DIP2A: variants seen among roughly 807,000 people sequenced by gnomAD.
The protein encoded by DIP2A is disco-interacting protein 2 homolog A.
DIP2A carries 85 observed loss-of-function variants against 177.4 expected under a neutral mutation model. That is an observed-to-expected ratio of 0.48 (90% CI 0.40 to 0.57). The LOEUF (loss-of-function observed/expected upper bound fraction) is 0.57. Among genes scored for constraint, DIP2A ranks in the 20% least tolerant of loss-of-function variants. DIP2A has a pLI of 0.00. For missense variants in DIP2A, 1,791 were observed against 2,100.2 expected (o/e 0.85, Z 2.88); for synonymous variants, 886 against 881.8 (o/e 1.00, Z -0.08).
At chr21:46,468,922 A>G (rs1318126551) in intron 1 of DIP2A, among the ~76,000 whole-genome samples, 4 of 152,204 alleles carry the variant, frequency 2.6e-5, no homozygotes, top group Admixed American at 6.5e-5. Flanking sequence ...ATTGCCAGCT[A>G]TTCTGTACTT....
At chr21:46,508,077 A>G (rs2058110594) in intron 6 of DIP2A, among the ~76,000 whole-genome samples, 1 of 150,496 alleles carries the variant, frequency 6.6e-6, no homozygotes, top group South Asian at 2.1e-4. Flanking sequence ...TCTGTTGCCC[A>G]GGCTGGAGTT....
chr21:46,581,651 A>G, the DIP2A span, among the ~76,000 whole-genome samples: 1 of 150,652 alleles, frequency 6.6e-6, no homozygotes, highest in African/African-American at 2.4e-5. Flanking sequence ...TTTTTTGTTG[A>G]TGTTGTTGTT....
chr21:46,477,272 T>C (rs946867255), intron 1 of DIP2A, among the ~76,000 whole-genome samples: 42 of 152,006 alleles, frequency 2.8e-4, no homozygotes, highest in African/African-American at 8.7e-4. Flanking sequence ...TATCCAGGCG[T>C]GGTGGCTCAC....
chr21:46,483,285 A>G lies in DIP2A; in HGVS notation c.92-1472A>G, dbSNP rs112140714. Among the ~76,000 whole-genome samples, 260 of 152,360 alleles carry G rather than the reference A, an allele frequency of 1.7e-3. 3 individuals carry two copies. Among genetic ancestry groups the G allele is most frequent in the African/African-American group, 5.9e-3 (244 of 41,574 alleles). On this transcript the variant is annotated intron_variant, in intron 1 of 37. Transcript: ENST00000417564. ...TAAAAGACACTATAAAAAAGTTTCT[A>G]AAAGACACTATAGAAAGAAGCTATA...
chr21:46,552,221 A>C (rs1173231816), intron 25 of DIP2A, among the ~76,000 whole-genome samples: 1 of 152,246 alleles, frequency 6.6e-6, no homozygotes, highest in Non-Finnish European at 1.5e-5. Flanking sequence ...AATTAAAAAC[A>C]GTATACATGT....
intron 16 of DIP2A, 89 bp downstream of exon 16, chr21:46,538,691 C>G (rs772639588): frequency 6.1e-6 from 9 of 1,486,054 alleles, no homozygotes; most frequent in Non-Finnish European, 8.1e-6. Context: ...AAAATGGAGG[C>G]ATTTTCACTG....
At chr21:46,515,638 G>A (rs967253066) in intron 8 of DIP2A, among the ~76,000 whole-genome samples, 3 of 152,094 alleles carry the variant, frequency 2.0e-5, no homozygotes, top group African/African-American at 4.8e-5. Context: ...CCAGGCTCAG[G>A]TGATCCTCCC....
chr21:46,495,227 C>CTTT (rs1166748609), intron 3 of DIP2A, among the ~76,000 whole-genome samples: 1 of 79,564 alleles, frequency 1.3e-5, no homozygotes, highest in African/African-American at 9.2e-5. Context: ...CTCTTCTCTT[C>CTTT]TCTTCTCTTC....
Position 46,538,480 on chromosome 21 carries a change from C to T in DIP2A, c.1802-3C>T. The T allele has an allele frequency of 6.5e-7, 1 of 1,543,514 alleles. No individual in the cohort carries two copies. Among genetic ancestry groups the T allele is most frequent in the Non-Finnish European group, 8.7e-7 (1 of 1,147,220 alleles). Reference sequence around the variant, plus strand: ...GGATGTCTGTGCCATCCTCTCTCTGCAGCTCGGGCCGCGCTGGTGAAGTCG... The same window carrying T: ...GGATGTCTGTGCCATCCTCTCTCTGTAGCTCGGGCCGCGCTGGTGAAGTCG... On this transcript the variant is annotated splice_polypyrimidine_tract_variant and splice_region_variant and intron_variant, in intron 15 of 37. Transcript: ENST00000417564.
At chr21:46,496,112 G>A (rs1449613575) in intron 3 of DIP2A, among the ~76,000 whole-genome samples, 2 of 151,690 alleles carry the variant, frequency 1.3e-5, no homozygotes, top group Non-Finnish European at 2.9e-5. Context: ...TCTTGCTGTG[G>A]TGCACAGGCT....
In DIP2A at chr21:46,556,191, T is replaced by C. The variant is rs2060461713; in HGVS notation, c.3498+100T>C. 4 of 1,404,374 alleles carry C rather than the reference T, an allele frequency of 2.8e-6. No individual in the cohort carries two copies. The highest frequency in any genetic ancestry group is 1.4e-5 in the African/African-American group (1 of 70,326). The allele number at this position is 1,404,374 out of a possible 1,614,324, so 87.0% of individuals were successfully genotyped here. A position where few individuals can be genotyped will look rare whatever the true frequency, so the allele number is the denominator to read the frequency against. On this transcript the variant is annotated intron_variant, in intron 29 of 37. Transcript: ENST00000417564. The surrounding 1 kb of genome is among the most constrained non-coding windows in gnomAD (Gnocchi z 4.5). ...GATTTAAACTGACAGGTCCTTCTTA[T>C]GCAAAGCACAAAGCAACAATTTTGC... is the stretch of plus-strand genomic sequence containing the variant.
Position 46,549,890 on chromosome 21 carries a change from G to T in DIP2A, c.2637+5G>T. 1 of 1,609,998 alleles carries T rather than the reference G, an allele frequency of 6.2e-7. No homozygotes were observed. Among genetic ancestry groups the T allele is most frequent in the Non-Finnish European group, 8.5e-7 (1 of 1,179,858 alleles). On this transcript the variant is annotated splice_donor_5th_base_variant and intron_variant, in intron 22 of 37. Transcript: ENST00000417564. Reference sequence around the variant, plus strand: ...TGGATGAGCCGTGTGCTGCAGGTGGGCGCCCCGGCACGGCCTATGGTTCGG... The same window carrying T: ...TGGATGAGCCGTGTGCTGCAGGTGGTCGCCCCGGCACGGCCTATGGTTCGG...
chr21:46,460,219 G>C (rs567963193), intron 1 of DIP2A, among the ~76,000 whole-genome samples: 23 of 152,286 alleles, frequency 1.5e-4, no homozygotes, highest in African/African-American at 5.3e-4. Flanking sequence ...TCGTATAAAT[G>C]GTTGGTTGAT....
At chr21:46,519,824 C>G (rs1368745561) in intron 8 of DIP2A, among the ~76,000 whole-genome samples, 1 of 145,736 alleles carries the variant, frequency 6.9e-6, no homozygotes, top group African/African-American at 2.6e-5. Flanking sequence ...TAGCTGATTC[C>G]AGTGTGCCCA....
At chr21:46,461,971 A>C (rs2054358939) in intron 1 of DIP2A, among the ~76,000 whole-genome samples, 1 of 151,188 alleles carries the variant, frequency 6.6e-6, no homozygotes, top group African/African-American at 2.4e-5. Flanking sequence ...CCGAGGTGGG[A>C]GGATCACCTG....
rs1053870012 is a variant in DIP2A at position 46,504,195 on chromosome 21, C to T, written c.656-166C>T. 1.1e-5 allele frequency: 10 copies of T among 876,748 alleles called. No homozygotes were observed. The African/African-American group carries it at 1.5e-4, about 13-fold the overall frequency. 54.3% of individuals were successfully genotyped at this position (876,748 alleles called of 1,614,324 possible). On this transcript the variant is annotated intron_variant, in intron 5 of 37. Transcript: ENST00000417564. Reference sequence around the variant, plus strand: ...TAACGTGTCTGGGAGTTCATAGGGTCCCAGTATGCCTTTGGTCAGCCAAGA... The same window carrying T: ...TAACGTGTCTGGGAGTTCATAGGGTTCCAGTATGCCTTTGGTCAGCCAAGA...
chr21:46,543,481 C>T (rs992530609), intron 18 of DIP2A, among the ~76,000 whole-genome samples: 2 of 151,468 alleles, frequency 1.3e-5, no homozygotes, highest in African/African-American at 4.9e-5. Flanking sequence ...ATGCAGCGCA[C>T]CCCCCTCCCC....
At chr21:46,507,658 C>T (rs2058081936) in intron 6 of DIP2A, among the ~76,000 whole-genome samples, 1 of 145,036 alleles carries the variant, frequency 6.9e-6, no homozygotes, top group Admixed American at 6.9e-5. Flanking sequence ...AGTTTGAGTC[C>T]TCCAACTCTG....
At chr21:46,516,156 G>A (rs892982857) in intron 8 of DIP2A, among the ~76,000 whole-genome samples, 6 of 152,102 alleles carry the variant, frequency 3.9e-5, no homozygotes, top group African/African-American at 4.8e-5. Context: ...AATTGCAGCC[G>A]TCTTACTATG....
Sources: allele counts gnomAD v4.1 joint callset (sites outside exome capture counted in the v4.1 genomes callset), GRCh38; gene constraint gnomAD v4.1.1; non-coding constraint Gnocchi (gnomAD v3.1); transcripts MANE v1.5; gene names NCBI Gene and HGNC (gene_info 2026-07-23, HGNC 2026-07-21).